FNDC1: variants seen among roughly 807,000 people sequenced by gnomAD.
FNDC1 encodes fibronectin type III domain-containing protein 1.
In FNDC1, 96 loss-of-function variants were observed where a neutral mutation model predicts 168.0. The ratio of observed to expected loss-of-function variants is 0.57; its 90% CI spans 0.48 to 0.68. FNDC1 has a LOEUF of 0.68. Among genes scored for constraint, FNDC1 ranks in the 30% least tolerant of loss-of-function variants. FNDC1 has a pLI of 0.00. For synonymous variants in FNDC1, 1,099 were observed against 1,025.9 expected (o/e 1.07, Z -1.36); for missense variants, 2,587 against 2,482.1 (o/e 1.04, Z -0.90).
chr6:159,227,652 T>C lies in FNDC1; in HGVS notation c.1180+1072T>C, dbSNP rs1050113483. Among the ~76,000 whole-genome samples, 6 of 151,868 alleles carry C rather than the reference T, an allele frequency of 4.0e-5. No individual in the cohort carries two copies. The South Asian group carries it at 6.2e-4, about 16-fold the overall frequency. ...TTGTACTATTCTTCTTTCTCTTTTTTTTTTTTTTTGCCATTGGAATAAATC... is the reference window on the plus strand; with the variant it reads ...TTGTACTATTCTTCTTTCTCTTTTTCTTTTTTTTTGCCATTGGAATAAATC... On this transcript the variant is annotated intron_variant, in intron 9 of 22. Transcript: ENST00000297267.
At chr6:159,235,111 A>C (rs1562302509) in intron 11 of FNDC1, among the ~76,000 whole-genome samples, 1 of 152,228 alleles carries the variant, frequency 6.6e-6, no homozygotes, top group Non-Finnish European at 1.5e-5. Context: ...AATGTATGTT[A>C]AAGATCATTG....
chr6:159,203,838 C>T (rs1274216227), intron 4 of FNDC1, among the ~76,000 whole-genome samples: 4 of 152,162 alleles, frequency 2.6e-5, no homozygotes, highest in Non-Finnish European at 5.9e-5. Context: ...CACTCTGCTA[C>T]CCGCCAGCCT....
At chr6:159,218,610 T>A (rs910576496) in intron 5 of FNDC1, 2 of 151,944 alleles carry the variant, frequency 1.3e-5, no homozygotes, top group African/African-American at 4.8e-5. Context: ...TACTACAGAG[T>A]GGTCGCATGT....
intron 12 of FNDC1, among the ~76,000 whole-genome samples, chr6:159,238,304 C>T (rs1460710017): frequency 6.6e-6 from 1 of 152,022 alleles, no homozygotes; most frequent in Non-Finnish European, 1.5e-5. Flanking sequence ...TCACCGTGGT[C>T]TCGATCTCCT....
intron 17 of FNDC1, among the ~76,000 whole-genome samples, chr6:159,251,998 C>T (rs1777278964): frequency 1.3e-5 from 2 of 152,178 alleles, no homozygotes; most frequent in Admixed American, 6.5e-5. Context: ...GTGCCTCTGC[C>T]TCTTTCTCTC....
intron 1 of FNDC1, among the ~76,000 whole-genome samples, chr6:159,193,938 G>A (rs985219284): frequency 1.3e-5 from 2 of 152,082 alleles, no homozygotes; most frequent in African/African-American, 4.8e-5. Context: ...GTATCTGAAC[G>A]GCCACCAAAA....
At chr6:159,266,328 G>T (rs540593279) in intron 21 of FNDC1, 83 bp downstream of exon 21, 1 of 1,437,566 alleles carries the variant, frequency 7.0e-7, no homozygotes, top group Non-Finnish European at 9.7e-7. Context: ...CAGGTGCATC[G>T]GAATGTTTAT....
rs770147936 is a variant in FNDC1 at position 159,239,710 on chromosome 6, G to T, written c.4374G>T (p.Thr1458=). 1 of 1,548,754 alleles carries T rather than the reference G, an allele frequency of 6.5e-7. No individual in the cohort carries two copies. Among genetic ancestry groups the T allele is most frequent in the Non-Finnish European group, 8.7e-7 (1 of 1,145,286 alleles). ...TTTMQPTTTT[T]PLPTTTTPRP... ...CCATGCAGCCCACCACTACTACGAC[G>T]CCCCTGCCTACCACTACAACCCCGA... Residue 1458 remains threonine, a synonymous_variant, in exon 14 of 23, where the codon ACG becomes ACT. Coordinates refer to ENST00000297267, the MANE Select transcript of FNDC1 (RefSeq NM_032532.3).
At chr6:159,204,920 T>A (rs1782457303) in intron 4 of FNDC1, among the ~76,000 whole-genome samples, 1 of 152,178 alleles carries the variant, frequency 6.6e-6, no homozygotes, top group Non-Finnish European at 1.5e-5. Context: ...AGTAGGTGAC[T>A]TGCTTCCTGC....
intron 1 of FNDC1, among the ~76,000 whole-genome samples, chr6:159,182,676 C>T (rs1159156998): frequency 1.3e-5 from 2 of 152,216 alleles, no homozygotes; most frequent in Admixed American, 6.5e-5. Context: ...AATTAATTCA[C>T]TTGTATTCCC....
At chr6:159,218,053 T>C (rs1782742106) in intron 5 of FNDC1, among the ~76,000 whole-genome samples, 1 of 152,194 alleles carries the variant, frequency 6.6e-6, no homozygotes, top group Non-Finnish European at 1.5e-5. Flanking sequence ...GTCCCTGGTT[T>C]TGCATCTCCG....
intron 5 of FNDC1, among the ~76,000 whole-genome samples, chr6:159,216,804 C>T (rs1782718684): frequency 1.3e-5 from 2 of 152,258 alleles, no homozygotes; most frequent in Non-Finnish European, 2.9e-5. Flanking sequence ...TTTCAGCCCC[C>T]ACAAATGACT....
chr6:159,266,925 C>T (rs1409670357), intron 21 of FNDC1, among the ~76,000 whole-genome samples: 3 of 151,946 alleles, frequency 2.0e-5, no homozygotes, highest in Non-Finnish European at 4.4e-5. Flanking sequence ...GCTAACACTT[C>T]CTAATGCGAT....
chr6:159,231,814 T>C, intron 10 of FNDC1, 68 bp from the exon 11 acceptor site: 2 of 1,354,408 alleles, frequency 1.5e-6, no homozygotes, highest in South Asian at 1.5e-5. Flanking sequence ...TTTTAAATAC[T>C]GTGTCTCACC....
intron 18 of FNDC1, among the ~76,000 whole-genome samples, 161 bp downstream of exon 18, chr6:159,256,792 T>C (rs1424129554): frequency 6.6e-6 from 1 of 152,278 alleles, no homozygotes; most frequent in Non-Finnish European, 1.5e-5. Flanking sequence ...ATATGTCATA[T>C]AAGTTTCTTA....
intron 17 of FNDC1, 138 bp from the exon 18 acceptor site, chr6:159,256,385 G>A (rs1205217335): frequency 1.5e-6 from 1 of 667,466 alleles, no homozygotes; most frequent in Non-Finnish European, 2.7e-6. Context: ...GTCCCACAGT[G>A]CCGCGTGCCC....
At chr6:159,184,911 G>T (rs555916297) in intron 1 of FNDC1, among the ~76,000 whole-genome samples, 17 of 152,204 alleles carry the variant, frequency 1.1e-4, no homozygotes, top group African/African-American at 4.1e-4. Context: ...GGTCTCTGTT[G>T]CCTGCCAATG....
At chr6:159,252,001 T>C (rs1777279154) in intron 17 of FNDC1, among the ~76,000 whole-genome samples, 2 of 152,178 alleles carry the variant, frequency 1.3e-5, no homozygotes, top group South Asian at 4.1e-4. Context: ...CCTCTGCCTC[T>C]TTCTCTCCTT....
chr6:159,269,576 T>TCCATCC (rs1477997061), intron 22 of FNDC1, among the ~76,000 whole-genome samples: 2 of 86,004 alleles, frequency 2.3e-5, no homozygotes, highest in African/African-American at 9.6e-5. Flanking sequence ...CCATCTATCC[T>TCCATCC]ATCTGTCTGT....
Sources: gnomAD v4.1 joint callset for allele counts (sites outside exome capture counted in the v4.1 genomes callset) on GRCh38, gnomAD v4.1.1 for gene constraint, MANE v1.5 for transcripts, NCBI Gene and HGNC (gene_info 2026-07-23, HGNC 2026-07-21) for gene names.